Variants in ELAPOR2 observed in about 807,000 individuals in gnomAD.
ELAPOR2 encodes the protein endosome/lysosome-associated apoptosis and autophagy regulator family member 2.
Under a neutral mutation model 120.7 loss-of-function variants are expected in ELAPOR2, and 89 were observed. The ratio of observed to expected loss-of-function variants is 0.74; its 90% CI spans 0.62 to 0.88. The LOEUF (loss-of-function observed/expected upper bound fraction) is 0.88, where lower values mean the gene tolerates loss of function less well. Ranked by LOEUF, ELAPOR2 falls within the 40% of genes least tolerant of loss-of-function variation. ELAPOR2 has a pLI of 0.00. For missense variants in ELAPOR2, 1,134 were observed against 1,251.6 expected (o/e 0.91, Z 1.42); for synonymous variants, 444 against 444.9 (o/e 1.00, Z 0.03).
chr7:87,008,941 A>T (rs1205853058), intron 1 of ELAPOR2, among the ~76,000 whole-genome samples: 2 of 152,194 alleles, frequency 1.3e-5, no homozygotes, highest in African/African-American at 4.8e-5. Flanking sequence ...TAAGTGAGCC[A>T]CAAAAAAAGC....
rs1475125281 is a variant in ELAPOR2, at chr7:86,877,323, A to G, written c.*3148T>C. ...TCCAACGAATGAGTCGGGTGTTGAG[A>G]TTTCTAAAAGTTTACTCCTCTAAGG... On this transcript the variant is annotated 3_prime_UTR_variant, in exon 22 of 22. Transcript: ENST00000450689. The G allele has an allele frequency of 1.3e-5, 2 of 152,160 alleles. No individual in the cohort carries two copies. Among genetic ancestry groups the G allele is most frequent in the Non-Finnish European group, 2.9e-5 (2 of 68,036 alleles). The allele number at this position is 152,160 out of a possible 1,614,324, so 9.4% of individuals were successfully genotyped here.
Position 86,892,850 on chromosome 7 carries a change from T to C in ELAPOR2, c.2864+72A>G, listed in dbSNP as rs981242177. On this transcript the variant is annotated intron_variant, in intron 20 of 21. Transcript: ENST00000450689. ...GAGAGAATCTATTTATTGGATATAA[T>C]GATCAAGTCTAGAATTTTCACAACA... 14 of 1,303,828 alleles carry C rather than the reference T, an allele frequency of 1.1e-5. No homozygotes were observed. The Admixed American group carries it at 1.2e-4, about 11-fold the overall frequency. The allele number at this position is 1,303,828 out of a possible 1,614,324, so 80.8% of individuals were successfully genotyped here. A position where few individuals can be genotyped will look rare whatever the true frequency, so the allele number is the denominator to read the frequency against.
At chr7:86,883,183 T>A (rs1799504901) in intron 21 of ELAPOR2, among the ~76,000 whole-genome samples, 1 of 152,016 alleles carries the variant, frequency 6.6e-6, no homozygotes, top group South Asian at 2.1e-4. Context: ...GGTAGTGAAA[T>A]AAATAAAAGA....
At chr7:87,052,505 T>C (rs973401029) in intron 1 of ELAPOR2, among the ~76,000 whole-genome samples, 1 of 152,226 alleles carries the variant, frequency 6.6e-6, no homozygotes, top group Non-Finnish European at 1.5e-5. Context: ...TTCCTTTCTT[T>C]ATACTGAGCG....
chr7:86,987,429 A>AT, intron 1 of ELAPOR2, among the ~76,000 whole-genome samples: 1 of 152,126 alleles, frequency 6.6e-6, no homozygotes. Flanking sequence ...CTGGGAGAAA[A>AT]TTTTTGCAAT....
intron 1 of ELAPOR2, among the ~76,000 whole-genome samples, chr7:86,995,609 A>C (rs1361195328): frequency 6.6e-6 from 1 of 152,144 alleles, no homozygotes; most frequent in Admixed American, 6.5e-5. Context: ...TCCTCCTGTG[A>C]TTTATTTTCC....
Position 86,909,820 on chromosome 7 carries a change from G to GT in ELAPOR2, c.2350dup (p.Thr784AsnfsTer8). The GT allele has an allele frequency of 1.2e-6, 2 of 1,608,660 alleles. No homozygotes were observed. Among genetic ancestry groups the GT allele is most frequent in the Non-Finnish European group, 1.7e-6 (2 of 1,177,500 alleles). On this transcript the variant is annotated frameshift_variant, in exon 16 of 22. Coordinates refer to ENST00000450689, the MANE Select transcript of ELAPOR2 (RefSeq NM_001142749.3). LOFTEE classifies it high-confidence loss of function. ...AACCAAAGGAAGCTTACCTATGAAT[G>GT]TATCTGCCAGAATGATGGATTGTGA...
intron 1 of ELAPOR2, among the ~76,000 whole-genome samples, chr7:86,987,673 C>A (rs147489538): frequency 0.38 from 56,248 of 148,492 alleles, 11,679 homozygotes; most frequent in African/African-American, 0.55. Flanking sequence ...GTTAGAATGG[C>A]AATCATTAAA....
chr7:86,877,463 A>G lies in ELAPOR2; in HGVS notation c.*3008T>C, dbSNP rs1453417122. On this transcript the variant is annotated 3_prime_UTR_variant, in exon 22 of 22. Transcript: ENST00000450689. Reference sequence around the variant, plus strand: ...TAGTTTCTCTGAAGATCAACTCTACATACTCTTAGTGTACAAAGATAAACG... The same window carrying G: ...TAGTTTCTCTGAAGATCAACTCTACGTACTCTTAGTGTACAAAGATAAACG... 3 of 152,218 alleles carry G rather than the reference A, an allele frequency of 2.0e-5. No homozygotes were observed. The highest frequency in any genetic ancestry group is 4.4e-5 in the Non-Finnish European group (3 of 68,036). 9.4% of individuals were successfully genotyped at this position (152,218 alleles called of 1,614,324 possible). A position where few individuals can be genotyped will look rare whatever the true frequency, so the allele number is the denominator to read the frequency against.
chr7:86,962,605 A>G (rs796123709), intron 2 of ELAPOR2, among the ~76,000 whole-genome samples: 4 of 152,266 alleles, frequency 2.6e-5, no homozygotes, highest in African/African-American at 9.6e-5. Flanking sequence ...CTGTCTTTGA[A>G]TCCTAGACCT....
chr7:87,040,124 CCA>C (rs1412987067), intron 1 of ELAPOR2, among the ~76,000 whole-genome samples: 1 of 152,256 alleles, frequency 6.6e-6, no homozygotes, highest in African/African-American at 2.4e-5. Context: ...GGTCCTACGC[CCA>C]CGGAGTCTCG....
intron 1 of ELAPOR2, among the ~76,000 whole-genome samples, chr7:87,023,967 T>G (rs1343895032): frequency 6.6e-6 from 1 of 152,214 alleles, no homozygotes. Flanking sequence ...GATTTTGGGC[T>G]GAGACGATGG....
At chr7:86,993,097 G>A (rs1634989) in intron 1 of ELAPOR2, among the ~76,000 whole-genome samples, 61,301 of 151,426 alleles carry the variant, frequency 0.4, 13,947 homozygotes, top group African/African-American at 0.62. Context: ...TTAGCTGGGC[G>A]TGGTGGCGCG....
At chr7:86,911,931 T>C (rs945531237) in intron 15 of ELAPOR2, 141 bp downstream of exon 15, 7 of 844,750 alleles carry the variant, frequency 8.3e-6, no homozygotes, top group East Asian at 2.5e-5. Flanking sequence ...TAGGCAGCAA[T>C]AGAGGATCTA....
At chr7:86,924,089 A>C (rs1405291269) in intron 10 of ELAPOR2, among the ~76,000 whole-genome samples, 1 of 151,942 alleles carries the variant, frequency 6.6e-6, no homozygotes, top group African/African-American at 2.4e-5. Context: ...GCTGCTCCTC[A>C]CAAGGTTGGC....
intron 2 of ELAPOR2, among the ~76,000 whole-genome samples, chr7:86,957,069 C>T (rs1791501722): frequency 6.6e-6 from 1 of 152,154 alleles, no homozygotes; most frequent in South Asian, 2.1e-4. Context: ...AACCATAGCT[C>T]CCATCAAACA....
Position 86,912,999 on chromosome 7 carries a change from T to A in ELAPOR2, c.1937A>T (p.His646Leu). Residue 646 changes from histidine (H) to leucine (L), a missense_variant, in exon 14 of 22, where the codon CAT becomes CTT. Physicochemically the swap from His to Leu is moderately conservative, Grantham distance 99. This residue lies in a region of ELAPOR2 where 831 missense variants were observed against 867.6 expected (regional missense o/e 0.96). Transcript: ENST00000450689. ...ECPPDTYLSI[H>L]QVYGKEACIP... ...ACAAGCCTCTTTGCCATAGACCTGA[T>A]GTATGGACAGGTAGGTGTCAGGTGG... The A allele has an allele frequency of 6.2e-7, 1 of 1,614,030 alleles. No individual in the cohort carries two copies.
chr7:87,046,956 C>T (rs1030860795), intron 1 of ELAPOR2, among the ~76,000 whole-genome samples: 1 of 152,070 alleles, frequency 6.6e-6, no homozygotes, highest in Non-Finnish European at 1.5e-5. Context: ...GCTATAGTAA[C>T]CAAAATAGCA....
chr7:86,998,893 A>G (rs1793216574), intron 1 of ELAPOR2, among the ~76,000 whole-genome samples: 2 of 151,268 alleles, frequency 1.3e-5, no homozygotes, highest in African/African-American at 4.9e-5. Flanking sequence ...AATGCCTCGT[A>G]TCAACAGTAA....
Sources: allele counts gnomAD v4.1 joint callset (sites outside exome capture counted in the v4.1 genomes callset), GRCh38; gene constraint gnomAD v4.1.1; regional missense constraint gnomAD v4.1.1; transcripts MANE v1.5; gene names NCBI Gene and HGNC (gene_info 2026-07-23, HGNC 2026-07-21).